Variants in NF2 observed in about 807,000 individuals in gnomAD.
NF2 encodes merlin.
Under a neutral mutation model 83.7 loss-of-function variants are expected in NF2, and 8 were observed. The observed-to-expected ratio is 0.10, with a 90% CI of 0.06 to 0.17. The LOEUF (loss-of-function observed/expected upper bound fraction) is 0.17. Among genes scored for constraint, NF2 ranks in the 10% least tolerant of loss-of-function variants. The pLI is 1.00. For synonymous variants in NF2, 266 were observed against 269.6 expected (o/e 0.99, Z 0.13); for missense variants, 533 against 744.4 (o/e 0.72, Z 3.31).
intron 9 of NF2, among the ~76,000 whole-genome samples, chr22:29,667,473 T>C (rs2066657808): frequency 6.6e-6 from 1 of 152,126 alleles, no homozygotes; most frequent in African/African-American, 2.4e-5. Flanking sequence ...ACTCCTGGGC[T>C]CAAGCAATCT....
intron 9 of NF2, among the ~76,000 whole-genome samples, chr22:29,665,871 A>T (rs987403776): frequency 6.6e-6 from 1 of 151,944 alleles, no homozygotes; most frequent in East Asian, 1.9e-4. Flanking sequence ...CCCAAGGGTG[A>T]TCACTGTTTT....
At chr22:29,689,127 G>A (rs985737649) in intron 15 of NF2, among the ~76,000 whole-genome samples, 1 of 148,928 alleles carries the variant, frequency 6.7e-6, no homozygotes, top group Non-Finnish European at 1.5e-5. Context: ...TGCAGTGAGC[G>A]GAGATCGCGC....
At chr22:29,644,370 G>A (rs1459541969) in intron 4 of NF2, among the ~76,000 whole-genome samples, 4 of 150,868 alleles carry the variant, frequency 2.7e-5, no homozygotes, top group African/African-American at 9.8e-5. Flanking sequence ...GATGGCGGCC[G>A]GGAAGAGGCG....
chr22:29,659,322 C>T (rs1032632345), intron 7 of NF2, among the ~76,000 whole-genome samples: 48 of 152,196 alleles, frequency 3.2e-4, no homozygotes, highest in African/African-American at 1.1e-3. Context: ...TTATAATCCT[C>T]AGAAAACAGT....
intron 12 of NF2, among the ~76,000 whole-genome samples, chr22:29,673,928 C>G (rs1337528057): frequency 2.0e-5 from 3 of 152,194 alleles, no homozygotes; most frequent in Non-Finnish European, 2.9e-5. Context: ...TGCCTGCATC[C>G]CCCAGCCTTT....
intron 1 of NF2, among the ~76,000 whole-genome samples, chr22:29,613,359 G>A (rs1376603251): frequency 6.6e-6 from 1 of 152,072 alleles, no homozygotes; most frequent in Non-Finnish European, 1.5e-5. Context: ...GCGAAATCTT[G>A]TCTCTACCAA....
chr22:29,658,297 G>C (rs1267159483), intron 7 of NF2, 33 bp downstream of exon 7: 1 of 1,590,714 alleles, frequency 6.3e-7, no homozygotes, highest in African/African-American at 1.3e-5. Context: ...TCCTTGTGTA[G>C]TAGACAGAGA....
chr22:29,677,543 C>G (rs954756795), intron 13 of NF2, among the ~76,000 whole-genome samples: 3 of 151,780 alleles, frequency 2.0e-5, no homozygotes, highest in Admixed American at 2.0e-4. Flanking sequence ...AGGCCCTACT[C>G]CGGTTCCATT....
At chr22:29,620,704 GA>G (rs2065196092) in intron 1 of NF2, among the ~76,000 whole-genome samples, 1 of 151,994 alleles carries the variant, frequency 6.6e-6, no homozygotes, top group African/African-American at 2.4e-5. Flanking sequence ...CAGCCTGGAT[GA>G]CAGGGAGAGA....
chr22:29,684,072 A>G (rs1236999332), intron 15 of NF2: 1 of 298,900 alleles, frequency 3.3e-6, no homozygotes, highest in Non-Finnish European at 5.2e-6. Context: ...CTGGCATAAG[A>G]TAGATCCTAC....
intron 3 of NF2, among the ~76,000 whole-genome samples, chr22:29,640,194 TAAA>T (rs11379333): frequency 3.1e-4 from 29 of 92,788 alleles, no homozygotes; most frequent in Admixed American, 4.1e-4. Context: ...GACTCTGTCT[TAAA>T]AAAAAAAAAA....
chr22:29,671,177 G>A (rs1744815532), intron 10 of NF2, among the ~76,000 whole-genome samples: 1 of 152,128 alleles, frequency 6.6e-6, no homozygotes. Context: ...AGAGCCACCT[G>A]GGGTTTCCCA....
chr22:29,632,959 C>T (rs990868648), intron 1 of NF2, among the ~76,000 whole-genome samples: 2 of 152,152 alleles, frequency 1.3e-5, no homozygotes, highest in Admixed American at 1.3e-4. Context: ...GAAGTCCCGT[C>T]CACACCCCAA....
chr22:29,660,625 C>T (rs548908030), intron 7 of NF2, among the ~76,000 whole-genome samples: 3 of 152,204 alleles, frequency 2.0e-5, no homozygotes, highest in South Asian at 2.1e-4. Context: ...GCTGGAGTGC[C>T]GGGGCACCAT....
chr22:29,669,976 A>G (rs1183359386), intron 10 of NF2, among the ~76,000 whole-genome samples: 2 of 152,074 alleles, frequency 1.3e-5, no homozygotes, highest in African/African-American at 2.4e-5. Flanking sequence ...GGGAAAGTAC[A>G]GGGCCAGGAA....
At chr22:29,638,202 G>A (rs1194231189) in intron 2 of NF2, among the ~76,000 whole-genome samples, 1 of 152,172 alleles carries the variant, frequency 6.6e-6, no homozygotes, top group Non-Finnish European at 1.5e-5. Flanking sequence ...AAAGGCAGTG[G>A]TTTACAGACT....
At position 29,665,061 on chromosome 22, in the gene NF2, G is replaced by A. The variant is rs146166875; in HGVS notation, c.882G>A (p.Lys294=). 42 of 1,612,388 alleles carry A rather than the reference G, an allele frequency of 2.6e-5. No individual in the cohort carries two copies. The East Asian group carries it at 8.5e-4, about 33-fold the overall frequency. ...ACTCCTCAAAGCTTCGTGTTAATAA[G>A]CTGGTAAGTTGAGATCCTGGTTTTC... The part of the protein sequence containing the change: ...KFNSSKLRVN[K]LILQLCIGNH... Residue 294 remains lysine (K), a synonymous_variant, in exon 9 of 16, where the codon AAG becomes AAA. Coordinates refer to ENST00000338641, the MANE Select transcript of NF2 (RefSeq NM_000268.4).
At chr22:29,611,197 A>G (rs1257390798) in intron 1 of NF2, among the ~76,000 whole-genome samples, 1 of 152,238 alleles carries the variant, frequency 6.6e-6, no homozygotes, top group Non-Finnish European at 1.5e-5. Flanking sequence ...GATACACAGC[A>G]GTTATGAAAA....
At chr22:29,639,881 C>CAAAAAA (rs763315832) in intron 3 of NF2, among the ~76,000 whole-genome samples, 1 of 21,186 alleles carries the variant, frequency 4.7e-5, no homozygotes, top group Non-Finnish European at 9.6e-5. Context: ...GGTTCCGTCT[C>CAAAAAA]AAAAAAAAAA....
Sources: allele counts gnomAD v4.1 joint callset (sites outside exome capture counted in the v4.1 genomes callset), GRCh38; gene constraint gnomAD v4.1.1; transcripts MANE v1.5; gene names NCBI Gene and HGNC (gene_info 2026-07-23, HGNC 2026-07-21).